SYN3: variants seen among roughly 807,000 people sequenced by gnomAD.
The protein encoded by SYN3 is synapsin III.
Under a neutral mutation model 65.8 loss-of-function variants are expected in SYN3, and 35 were observed. The observed-to-expected ratio is 0.53, with a 90% CI of 0.41 to 0.70. SYN3 has a LOEUF of 0.70. Among genes scored for constraint, SYN3 ranks in the 30% least tolerant of loss-of-function variants. The pLI is 0.00. For synonymous variants in SYN3, 270 were observed against 292.9 expected (o/e 0.92, Z 0.80); for missense variants, 680 against 749.0 (o/e 0.91, Z 1.08).
chr22:33,054,110 T>C (rs1274025596), intron 1 of SYN3, among the ~76,000 whole-genome samples: 1 of 152,124 alleles, frequency 6.6e-6, no homozygotes, highest in Non-Finnish European at 1.5e-5. Flanking sequence ...AAAGATCAAA[T>C]TAAAGAATGA....
intron 3 of SYN3, among the ~76,000 whole-genome samples, chr22:32,961,562 T>C (rs2051653333): frequency 6.6e-6 from 1 of 152,236 alleles, no homozygotes; most frequent in Non-Finnish European, 1.5e-5. Context: ...ATCCATAATT[T>C]ACCATCCTGT....
intron 6 of SYN3, among the ~76,000 whole-genome samples, chr22:32,728,720 T>C (rs1045749858): frequency 6.6e-6 from 1 of 152,202 alleles, no homozygotes; most frequent in African/African-American, 2.4e-5. Context: ...AAACTGAGAC[T>C]CAGTCTTGTT....
At chr22:32,744,190 G>A (rs755790607) in intron 6 of SYN3, among the ~76,000 whole-genome samples, 23 of 152,212 alleles carry the variant, frequency 1.5e-4, no homozygotes, top group African/African-American at 2.9e-4. Context: ...CTCTATGAAC[G>A]TGTTTACCAG....
At chr22:32,987,997 G>A (rs1192335174) in intron 2 of SYN3, among the ~76,000 whole-genome samples, 2 of 151,980 alleles carry the variant, frequency 1.3e-5, no homozygotes, top group Non-Finnish European at 2.9e-5. Flanking sequence ...GACTTCAGTT[G>A]GTAGAAAAGG....
chr22:32,611,774 C>T (rs903170396), intron 6 of SYN3, among the ~76,000 whole-genome samples: 7 of 152,062 alleles, frequency 4.6e-5, no homozygotes, highest in Admixed American at 4.6e-4. Context: ...GACAGAGCTC[C>T]TAAAAGCCTT....
chr22:33,041,290 C>CT (rs958184913), intron 1 of SYN3, among the ~76,000 whole-genome samples: 2 of 126,840 alleles, frequency 1.6e-5, no homozygotes, highest in African/African-American at 6.1e-5. Flanking sequence ...ACTAGGAACT[C>CT]TTTCTTTTTT....
At chr22:32,632,162 C>G (rs568902006) in intron 6 of SYN3, among the ~76,000 whole-genome samples, 11 of 152,356 alleles carry the variant, frequency 7.2e-5, no homozygotes, top group African/African-American at 2.6e-4. Context: ...GCCCATATCA[C>G]CAGGCAGGGT....
At chr22:32,908,135 G>A (rs954527809) in intron 4 of SYN3, among the ~76,000 whole-genome samples, 26 of 151,870 alleles carry the variant, frequency 1.7e-4, no homozygotes, top group Non-Finnish European at 3.1e-4. Context: ...CTCCAGGCTG[G>A]AGTGCAGTGG....
At chr22:33,029,301 A>C (rs892423941) in intron 1 of SYN3, among the ~76,000 whole-genome samples, 2 of 151,992 alleles carry the variant, frequency 1.3e-5, no homozygotes, top group African/African-American at 2.4e-5. Context: ...TAGCCTACCA[A>C]GTAGTCAAGA....
intron 6 of SYN3, among the ~76,000 whole-genome samples, chr22:32,813,486 TACACACACACACACAC>T (rs130277): frequency 5.3e-4 from 73 of 138,284 alleles, no homozygotes; most frequent in Middle Eastern, 3.6e-3. Flanking sequence ...TCTGAAAAGA[TACACACACACACACAC>T]ACACACACAC....
In SYN3 at chr22:32,962,060, A is replaced by G. The variant is rs145637321; in HGVS notation, c.369+18585T>C. Among the ~76,000 whole-genome samples the G allele has an allele frequency of 3.6e-3, 552 of 151,874 alleles. 3 individuals are homozygous for G. The highest frequency in any genetic ancestry group is 0.013 in the African/African-American group (528 of 41,422). ...TTCTTCCTACTGAGGCAGCAAAAAA[A>G]TGTTCCTCCACACAAATAAAATACT... On this transcript the variant is annotated intron_variant, in intron 3 of 13. Coordinates refer to ENST00000358763, the MANE Select transcript of SYN3 (RefSeq NM_003490.4).
At chr22:32,770,209 C>T (rs559645149) in intron 6 of SYN3, among the ~76,000 whole-genome samples, 32 of 152,202 alleles carry the variant, frequency 2.1e-4, no homozygotes, top group Non-Finnish European at 4.1e-4. Flanking sequence ...TTTACCACAT[C>T]TATCACTAAC....
chr22:33,000,224 T>C (rs1465337273), intron 2 of SYN3, among the ~76,000 whole-genome samples: 3 of 152,068 alleles, frequency 2.0e-5, no homozygotes, highest in Non-Finnish European at 4.4e-5. Flanking sequence ...AAACTGCTGA[T>C]TGTCCCCCAC....
In SYN3 at chr22:32,528,260, G is replaced by C. The variant is rs139641303; in HGVS notation, c.1231-255C>G. ...CCCTTCCCAGCCAGCAGCCCCGTCA[G>C]TATAATAACTACGATTCTGATGTTT... On this transcript the variant is annotated intron_variant, in intron 11 of 13. Coordinates refer to ENST00000358763, the MANE Select transcript of SYN3 (RefSeq NM_003490.4). 1.9e-3 allele frequency among the ~76,000 whole-genome samples: 284 copies of C among 152,304 alleles called. 3 individuals carry two copies. Among genetic ancestry groups the C allele is most frequent in the Middle Eastern group, 6.8e-3 (2 of 294 alleles).
intron 6 of SYN3, among the ~76,000 whole-genome samples, chr22:32,658,950 A>G (rs993172261): frequency 6.6e-6 from 1 of 152,344 alleles, no homozygotes; most frequent in Non-Finnish European, 1.5e-5. Flanking sequence ...CGGACTTCAC[A>G]TACTGAACTC....
At chr22:32,919,335 C>A (rs1052511455) in intron 4 of SYN3, among the ~76,000 whole-genome samples, 1 of 152,200 alleles carries the variant, frequency 6.6e-6, no homozygotes, top group African/African-American at 2.4e-5. Flanking sequence ...CATGACCTGC[C>A]CTTAGCCCAC....
intron 7 of SYN3, among the ~76,000 whole-genome samples, chr22:32,581,911 T>C (rs2058953045): frequency 6.6e-6 from 1 of 151,154 alleles, no homozygotes; most frequent in Admixed American, 6.6e-5. Context: ...GCAATTCTTC[T>C]GCCTTGGTCT....
At chr22:32,864,097 C>G (rs1488483944) in intron 6 of SYN3, among the ~76,000 whole-genome samples, 1 of 152,190 alleles carries the variant, frequency 6.6e-6, no homozygotes, top group Non-Finnish European at 1.5e-5. Flanking sequence ...AGCCCAGAAG[C>G]CTGAGCTTGG....
At chr22:32,981,572 G>A (rs73162034) in intron 2 of SYN3, among the ~76,000 whole-genome samples, 1,917 of 151,622 alleles carry the variant, frequency 0.013, 44 homozygotes, top group African/African-American at 0.04. Flanking sequence ...CAACAAGAGC[G>A]AAACTCAGTC....
Sources: allele counts gnomAD v4.1 joint callset (sites outside exome capture counted in the v4.1 genomes callset), GRCh38; gene constraint gnomAD v4.1.1; transcripts MANE v1.5; gene names NCBI Gene and HGNC (gene_info 2026-07-23, HGNC 2026-07-21).